CPVL: variants seen among roughly 807,000 people sequenced by gnomAD.
CPVL encodes the protein carboxypeptidase vitellogenic like.
Under a neutral mutation model 63.7 loss-of-function variants are expected in CPVL, and 51 were observed. The observed-to-expected ratio is 0.80, with a 90% CI of 0.64 to 1.01. CPVL has a LOEUF of 1.01. Ranked by LOEUF, CPVL falls within the 50% of genes least tolerant of loss-of-function variation. The pLI, the probability that CPVL is intolerant of heterozygous loss-of-function variation, is 0.00. For missense variants in CPVL, 530 were observed against 573.1 expected (o/e 0.92, Z 0.77); for synonymous variants, 195 against 206.0 (o/e 0.95, Z 0.46).
At chr7:29,044,739 A>C (rs1428080309) in intron 11 of CPVL, among the ~76,000 whole-genome samples, 2 of 152,254 alleles carry the variant, frequency 1.3e-5, no homozygotes, top group Non-Finnish European at 2.9e-5. Flanking sequence ...TTTTCAAAGT[A>C]AAGTCAACGG....
At chr7:29,036,282 C>T (rs1788517299) in intron 11 of CPVL, among the ~76,000 whole-genome samples, 3 of 152,240 alleles carry the variant, frequency 2.0e-5, no homozygotes, top group South Asian at 4.2e-4. Context: ...AGAATTGTAA[C>T]GAGAACTAAT....
upstream of CPVL, among the ~76,000 whole-genome samples, chr7:29,151,346 C>T (rs1793568407): frequency 6.6e-6 from 1 of 152,170 alleles, no homozygotes; most frequent in Admixed American, 6.5e-5. Flanking sequence ...CTTTGACGAT[C>T]CAGATGGTTT....
chr7:29,174,167 G>A (rs916390925), intron 5 of CPVL, among the ~76,000 whole-genome samples: 1 of 152,068 alleles, frequency 6.6e-6, no homozygotes, highest in Non-Finnish European at 1.5e-5. Flanking sequence ...GCAGGAGGAG[G>A]TGGCTGCCCC....
intron 11 of CPVL, among the ~76,000 whole-genome samples, chr7:29,033,721 G>A (rs1788251039): frequency 6.6e-6 from 1 of 152,204 alleles, no homozygotes; most frequent in African/African-American, 2.4e-5. Context: ...GAGCTGGTTG[G>A]AGTTGGTCTC....
chr7:29,151,049 G>T (rs1793522653), upstream of CPVL, among the ~76,000 whole-genome samples: 1 of 152,136 alleles, frequency 6.6e-6, no homozygotes, highest in African/African-American at 2.4e-5. Context: ...TGAGAAGTAG[G>T]CCCAGGTGGC....
At chr7:29,030,343 A>AATGACAATTC (rs1318685258) in intron 12 of CPVL, among the ~76,000 whole-genome samples, 2 of 152,124 alleles carry the variant, frequency 1.3e-5, no homozygotes, top group Admixed American at 1.3e-4. Context: ...CTTTTTAATG[A>AATGACAATTC]ATTGTCTCCT....
intron 7 of CPVL, among the ~76,000 whole-genome samples, chr7:29,084,356 T>C (rs1259810358): frequency 1.3e-5 from 2 of 152,246 alleles, no homozygotes; most frequent in Non-Finnish European, 2.9e-5. Flanking sequence ...TTACAGATAC[T>C]GCAGAAATTA....
At chr7:29,028,828 G>C (rs1234640997) in intron 12 of CPVL, among the ~76,000 whole-genome samples, 2 of 152,014 alleles carry the variant, frequency 1.3e-5, no homozygotes, top group African/African-American at 4.8e-5. Context: ...AGCCGGGTGT[G>C]GTGGCAGGCG....
At chr7:29,170,202 A>G (rs970923354) in intron 5 of CPVL, among the ~76,000 whole-genome samples, 2 of 152,112 alleles carry the variant, frequency 1.3e-5, no homozygotes, top group Admixed American at 6.6e-5. Flanking sequence ...TTCCTTGGCT[A>G]CTTTATGTTT....
chr7:29,144,629 C>A (rs963344790), intron 1 of CPVL, among the ~76,000 whole-genome samples: 2 of 152,096 alleles, frequency 1.3e-5, no homozygotes, highest in African/African-American at 4.8e-5. Flanking sequence ...TCTGATGATA[C>A]CTGGGGCAAG....
At chr7:29,169,115 C>T (rs1238101314) in intron 5 of CPVL, among the ~76,000 whole-genome samples, 1 of 151,676 alleles carries the variant, frequency 6.6e-6, no homozygotes, top group Non-Finnish European at 1.5e-5. Flanking sequence ...GGAATTTTCC[C>T]CATTTTATTC....
In CPVL at chr7:29,146,443, G is replaced by C. The variant is rs552029947; in HGVS notation, c.-25C>G. The C allele has an allele frequency of 7.5e-5, 96 of 1,286,876 alleles. No homozygotes were observed. The East Asian group carries it at 1.2e-3, about 16-fold the overall frequency. The allele number at this position is 1,286,876 out of a possible 1,614,324, so 79.7% of individuals were successfully genotyped here. On this transcript the variant is annotated 5_prime_UTR_variant, in exon 1 of 13. Coordinates refer to ENST00000265394, the MANE Select transcript of CPVL (RefSeq NM_031311.5). Reference sequence around the variant, plus strand: ...GCGGCACTTACGCGGCGCAGTCGGTGCTCCTCCCTGAGCCGCGGCGCGCAA... The same window carrying C: ...GCGGCACTTACGCGGCGCAGTCGGTCCTCCTCCCTGAGCCGCGGCGCGCAA...
intron 1 of CPVL, among the ~76,000 whole-genome samples, chr7:29,142,284 A>G (rs929845181): frequency 2.0e-5 from 3 of 152,104 alleles, no homozygotes; most frequent in Admixed American, 1.3e-4. Context: ...ATATATTCAG[A>G]TTTTCTTCAA....
intron 5 of CPVL, among the ~76,000 whole-genome samples, chr7:29,161,658 T>G (rs1795193865): frequency 6.6e-6 from 1 of 152,194 alleles, no homozygotes; most frequent in Admixed American, 6.5e-5. Context: ...AATTTTTAAT[T>G]TAAATCCATT....
At chr7:29,135,646 GAATA>G (rs566433040) in intron 1 of CPVL, among the ~76,000 whole-genome samples, 219 of 152,010 alleles carry the variant, frequency 1.4e-3, no homozygotes, top group Non-Finnish European at 1.5e-3. Flanking sequence ...TCAATCATGA[GAATA>G]AATAAATATT....
At chr7:29,136,447 G>GT (rs1175472407) in intron 1 of CPVL, among the ~76,000 whole-genome samples, 1 of 152,216 alleles carries the variant, frequency 6.6e-6, no homozygotes, top group Non-Finnish European at 1.5e-5. Context: ...ATTTGGACAG[G>GT]TTGGAGGGTA....
intron 5 of CPVL, among the ~76,000 whole-genome samples, chr7:29,154,501 T>A (rs1794064402): frequency 6.6e-6 from 1 of 152,190 alleles, no homozygotes; most frequent in South Asian, 2.1e-4. Context: ...ATACTCTAGA[T>A]GTCATGAAAC....
intron 3 of CPVL, among the ~76,000 whole-genome samples, chr7:29,106,572 C>T (rs1281477864): frequency 6.6e-6 from 1 of 152,086 alleles, no homozygotes; most frequent in Non-Finnish European, 1.5e-5. Flanking sequence ...CTCTCCAGCA[C>T]CCTCTACTGA....
intron 5 of CPVL, among the ~76,000 whole-genome samples, chr7:29,178,064 C>T (rs1562810455): frequency 6.6e-6 from 1 of 152,286 alleles, no homozygotes; most frequent in East Asian, 1.9e-4. Context: ...CACATTCCAT[C>T]ATCAGCAAGT....
Sources: allele counts gnomAD v4.1 joint callset (sites outside exome capture counted in the v4.1 genomes callset), GRCh38; gene constraint gnomAD v4.1.1; transcripts MANE v1.5; gene names NCBI Gene and HGNC (gene_info 2026-07-23, HGNC 2026-07-21).